Variants in TUBA1C observed in about 807,000 individuals in gnomAD.
TUBA1C encodes the protein tubulin alpha-1C chain.
A neutral mutation model predicts 34.9 loss-of-function variants in TUBA1C; 16 were observed. The ratio of observed to expected loss-of-function variants is 0.46; its 90% confidence interval spans 0.31 to 0.70. The LOEUF (loss-of-function observed/expected upper bound fraction) is 0.70. Among genes scored for constraint, TUBA1C ranks in the 30% least tolerant of loss-of-function variants. The pLI is 0.05. For synonymous variants in TUBA1C, 177 were observed against 215.9 expected (o/e 0.82, Z 1.58); for missense variants, 329 against 587.3 (o/e 0.56, Z 4.55).
At chr12:49,262,165 A>G (rs117557198), upstream of TUBA1C, among the ~76,000 whole-genome samples, 7,463 of 151,882 alleles carry the variant, frequency 0.049, 265 homozygotes, top group Non-Finnish European at 0.075. Context: ...CTGTGATTCC[A>G]GCACTTTGGG....
upstream of TUBA1C, among the ~76,000 whole-genome samples, chr12:49,261,531 G>A (rs887082903): frequency 6.6e-5 from 10 of 152,178 alleles, no homozygotes; most frequent in African/African-American, 2.4e-4. Flanking sequence ...ATTTTCCACA[G>A]TTCCATAATA....
rs1943003741 is a variant in TUBA1C at position 49,272,388 on chromosome 12, A to G, written c.511A>G (p.Ile171Val). The change falls in exon 4 of 4, where the codon ATT (isoleucine) becomes GTT (valine). Residue 171 changes from isoleucine (I) to valine (V), a missense_variant. Ile to Val is a conservative substitution (Grantham distance 29). This residue lies in a region of TUBA1C where 152 missense variants were observed against 240.3 expected (regional missense o/e 0.63). Coordinates refer to ENST00000301072, the MANE Select transcript of TUBA1C (RefSeq NM_032704.5). ...CAAGAAGTCCAAGCTGGAGTTCTCC[A>G]TTTACCCGGCGCCCCAGGTTTCCAC... Reference protein sequence around the residue: ...YGKKSKLEFSIYPAPQVSTAV... With the variant: ...YGKKSKLEFSVYPAPQVSTAV... 1.2e-6 allele frequency: 2 copies of G among 1,613,960 alleles called. No individual in the cohort carries two copies. Among genetic ancestry groups the G allele is most frequent in the Non-Finnish European group, 8.5e-7 (1 of 1,179,994 alleles).
chr12:49,229,077 C>G lies in TUBA1C; in HGVS notation c.213+911C>G, dbSNP rs542064636. Reference sequence around the variant, plus strand: ...ATAATGTCAACATGAGGACACTCCTCTAATCTATTGGTCTTCCCTGGACAT... The same window carrying G: ...ATAATGTCAACATGAGGACACTCCTGTAATCTATTGGTCTTCCCTGGACAT... On this transcript the variant is annotated intron_variant, in intron 1 of 3. Coordinates refer to the TUBA1C transcript ENST00000541364. Among the ~76,000 whole-genome samples the G allele has an allele frequency of 2.6e-5, 4 of 152,330 alleles. No homozygotes were observed. The South Asian group carries it at 8.3e-4, about 32-fold the overall frequency.
intron 1 of TUBA1C, among the ~76,000 whole-genome samples, chr12:49,242,970 C>A (rs1942632726): frequency 6.6e-6 from 1 of 152,084 alleles, no homozygotes; most frequent in African/African-American, 2.4e-5. Flanking sequence ...CCACACCCAG[C>A]TAATTTTTGT....
intron 3 of TUBA1C, among the ~76,000 whole-genome samples, chr12:49,270,666 G>C (rs1212252725): frequency 1.3e-5 from 2 of 152,134 alleles, no homozygotes; most frequent in Non-Finnish European, 2.9e-5. Context: ...AGCAAAACTG[G>C]ACTGATGTTT....
chr12:49,255,674 T>C (rs1195123702), intron 1 of TUBA1C, among the ~76,000 whole-genome samples: 3 of 152,138 alleles, frequency 2.0e-5, no homozygotes, highest in Non-Finnish European at 1.5e-5. Flanking sequence ...TTCTCCATTC[T>C]TGTGACTCAG....
chr12:49,253,744 T>C (rs886394139), intron 1 of TUBA1C, among the ~76,000 whole-genome samples: 1 of 152,134 alleles, frequency 6.6e-6, no homozygotes, highest in Admixed American at 6.6e-5. Context: ...TCCAAGCTGG[T>C]CTTGAATTCC....
intron 1 of TUBA1C, among the ~76,000 whole-genome samples, chr12:49,248,867 CAAAAAAAAAA>C (rs201685193): frequency 0.18 from 11,173 of 60,904 alleles, 581 homozygotes; most frequent in East Asian, 0.3. Context: ...GACTCCCTCT[CAAAAAAAAAA>C]AAAAAAAAAA....
chr12:49,265,160 C>T lies in TUBA1C; in HGVS notation c.-22C>T, dbSNP rs757556986. Reference sequence around the variant, plus strand: ...CGTCCCTTCGCCTCCTTCACCGCCGCAGACCCCTTCAAGTTCTAGTCATGG... The same window carrying T: ...CGTCCCTTCGCCTCCTTCACCGCCGTAGACCCCTTCAAGTTCTAGTCATGG... On this transcript the variant is annotated 5_prime_UTR_variant, in exon 1 of 4. Coordinates refer to ENST00000301072, the MANE Select transcript of TUBA1C (RefSeq NM_032704.5). 2.5e-6 allele frequency: 4 copies of T among 1,603,672 alleles called. No individual in the cohort carries two copies. The highest frequency in any genetic ancestry group is 3.4e-6 in the Non-Finnish European group (4 of 1,172,860).
intron 1 of TUBA1C, among the ~76,000 whole-genome samples, chr12:49,253,448 T>C (rs1942751026): frequency 6.6e-6 from 1 of 151,814 alleles, no homozygotes; most frequent in African/African-American, 2.4e-5. Flanking sequence ...TTGTGGGTAC[T>C]GGTTTCGTAG....
intron 1 of TUBA1C, among the ~76,000 whole-genome samples, chr12:49,256,047 G>GCTCA (rs1727716338): frequency 6.6e-6 from 1 of 152,228 alleles, no homozygotes; most frequent in South Asian, 2.1e-4. Flanking sequence ...TGAGGCTGCA[G>GCTCA]TGAGCTACAG....
intron 1 of TUBA1C, among the ~76,000 whole-genome samples, chr12:49,232,524 T>G (rs1438998831): frequency 6.6e-6 from 1 of 152,182 alleles, no homozygotes; most frequent in Admixed American, 6.6e-5. Context: ...CCCTTTGTCT[T>G]GATCCCCCAC....
chr12:49,248,885 A>AG (rs1468466069), intron 1 of TUBA1C, among the ~76,000 whole-genome samples: 1 of 151,216 alleles, frequency 6.6e-6, no homozygotes, highest in African/African-American at 2.4e-5. Flanking sequence ...AAAAAAAAAA[A>AG]AAAAGTTAGA....
intron 1 of TUBA1C, among the ~76,000 whole-genome samples, chr12:49,234,298 G>A (rs532279344): frequency 2.0e-5 from 3 of 152,318 alleles, no homozygotes; most frequent in Admixed American, 2.0e-4. Context: ...TCCCCTACCA[G>A]GTTCTAATTT....
chr12:49,274,263 C>G lies in TUBA1C; in HGVS notation c.*1036C>G, dbSNP rs1435383439. On this transcript the variant is annotated 3_prime_UTR_variant, in exon 4 of 4. Coordinates refer to ENST00000301072, the MANE Select transcript of TUBA1C (RefSeq NM_032704.5). ...TAGCCAGGACTACAGGTGTGTTCCA[C>G]CATGCCTGGCTGATTCTTGTAATTT... The G allele has an allele frequency of 6.7e-6, 1 of 149,502 alleles. No homozygotes were observed. The highest frequency in any genetic ancestry group is 1.5e-5 in the Non-Finnish European group (1 of 67,990). 9.3% of individuals were successfully genotyped at this position (149,502 alleles called of 1,614,324 possible).
At chr12:49,238,185 G>C (rs1942577446) in intron 1 of TUBA1C, among the ~76,000 whole-genome samples, 1 of 152,078 alleles carries the variant, frequency 6.6e-6, no homozygotes, top group South Asian at 2.1e-4. Flanking sequence ...AAGTTATTGG[G>C]TATCGAACTG....
At chr12:49,265,973 C>CA (rs368947972) in intron 1 of TUBA1C, among the ~76,000 whole-genome samples, 8,734 of 118,154 alleles carry the variant, frequency 0.074, 430 homozygotes, top group South Asian at 0.13. Context: ...AAAAAAAAAA[C>CA]AAAAAAAAAC....
rs1943004319 is a variant in TUBA1C at position 49,272,418 on chromosome 12, G to A, written c.541G>A (p.Val181Ile). 6.2e-7 allele frequency: 1 copy of A among 1,613,670 alleles called. No homozygotes were observed. ...IYPAPQVSTA[V>I]VEPYNSILTT... is the part of the protein sequence containing the mutation. ...CCCGGCGCCCCAGGTTTCCACAGCT[G>A]TAGTTGAGCCCTACAACTCCATCCT... The change falls in exon 4 of 4, where the codon GTA becomes ATA. Residue 181 changes from valine (V) to isoleucine (I), a missense_variant. This residue lies in a region of TUBA1C where 152 missense variants were observed against 240.3 expected (regional missense o/e 0.63). Transcript: ENST00000301072.
intron 1 of TUBA1C, among the ~76,000 whole-genome samples, chr12:49,268,132 C>T (rs759739523): frequency 2.6e-5 from 4 of 152,106 alleles, no homozygotes; most frequent in Non-Finnish European, 4.4e-5. Context: ...AGAGTCTTGC[C>T]TCTGTTGCCC....
Sources: allele counts gnomAD v4.1 joint callset (sites outside exome capture counted in the v4.1 genomes callset), GRCh38; gene constraint gnomAD v4.1.1; regional missense constraint gnomAD v4.1.1; transcripts MANE v1.5; gene names NCBI Gene and HGNC (gene_info 2026-07-23, HGNC 2026-07-21).